WWOX: variants seen among roughly 807,000 people sequenced by gnomAD.
WWOX encodes WW domain containing oxidoreductase, also known as WW domain-containing oxidoreductase.
In WWOX, 69 loss-of-function variants were observed where a neutral mutation model predicts 46.2. The ratio of observed to expected loss-of-function variants is 1.49; its 90% CI spans 1.23 to 1.82. The LOEUF is 1.82. Among genes scored for constraint, WWOX ranks in the 40% most tolerant of loss-of-function variants. The probability of loss-of-function intolerance (pLI) is 0.00; values close to 1 mark genes in which losing one functional copy is unlikely to be tolerated. For synonymous variants in WWOX, 359 were observed against 202.6 expected, an observed-to-expected ratio of 1.77 and a Z score of -6.56; for missense variants, 919 against 542.6, an observed-to-expected ratio of 1.69 and a Z score of -6.89.
At chr16:79,147,906 C>T (rs1300572922) in intron 8 of WWOX, among the ~76,000 whole-genome samples, 1 of 151,800 alleles carries the variant, frequency 6.6e-6, no homozygotes. Flanking sequence ...ATGTTTTTTT[C>T]TCATTTTCTA....
chr16:78,625,788 TAAAAG>T (rs1447669881), intron 8 of WWOX, among the ~76,000 whole-genome samples: 1 of 115,456 alleles, frequency 8.7e-6, no homozygotes, highest in Non-Finnish European at 1.8e-5. Context: ...TGCCAGTACT[TAAAAG>T]TAATGGCAAA....
At chr16:78,397,328 G>C (rs988861783) in intron 6 of WWOX, among the ~76,000 whole-genome samples, 1 of 152,154 alleles carries the variant, frequency 6.6e-6, no homozygotes, top group Non-Finnish European at 1.5e-5. Context: ...TTTATCATGT[G>C]TCATGTACAG....
chr16:78,424,511 A>T (rs72797970), intron 6 of WWOX, among the ~76,000 whole-genome samples: 7,344 of 152,272 alleles, frequency 0.048, 234 homozygotes, highest in South Asian at 0.15. Context: ...TGAGACTTGG[A>T]TGAATTAAGA....
intron 8 of WWOX, among the ~76,000 whole-genome samples, chr16:78,879,188 C>A (rs190467067): frequency 6.6e-6 from 1 of 152,232 alleles, no homozygotes; most frequent in East Asian, 1.9e-4. Context: ...TCATCTTTCA[C>A]GGTCATAGAC....
chr16:79,136,712 G>A (rs757010899), intron 8 of WWOX, among the ~76,000 whole-genome samples: 1 of 152,202 alleles, frequency 6.6e-6, no homozygotes, highest in Non-Finnish European at 1.5e-5. Flanking sequence ...TGGGGCAGGT[G>A]ACTTTATGTG....
intron 8 of WWOX, among the ~76,000 whole-genome samples, chr16:78,968,286 G>T (rs144298327): frequency 4.6e-5 from 7 of 152,232 alleles, no homozygotes; most frequent in African/African-American, 1.4e-4. Context: ...GTGCCCCATA[G>T]TCCTACCCGT....
chr16:78,770,231 G>A (rs1489138377), intron 8 of WWOX, among the ~76,000 whole-genome samples: 1 of 152,082 alleles, frequency 6.6e-6, no homozygotes, highest in East Asian at 1.9e-4. Context: ...TGCTCCTGTA[G>A]TTCCAGCTAC....
intron 8 of WWOX, among the ~76,000 whole-genome samples, chr16:78,601,648 T>C (rs1193903451): frequency 6.6e-6 from 1 of 152,208 alleles, no homozygotes; most frequent in Non-Finnish European, 1.5e-5. Context: ...ATGAATACCA[T>C]AATAAGAATG....
At chr16:78,276,830 A>G (rs1254110156) in intron 5 of WWOX, among the ~76,000 whole-genome samples, 1 of 152,182 alleles carries the variant, frequency 6.6e-6, no homozygotes, top group African/African-American at 2.4e-5. Flanking sequence ...GAACTGGGCC[A>G]TCTCTCCTTG....
At chr16:78,431,601 A>G (rs898303184) in intron 7 of WWOX, among the ~76,000 whole-genome samples, 2 of 151,616 alleles carry the variant, frequency 1.3e-5, no homozygotes, top group African/African-American at 4.8e-5. Flanking sequence ...TGAAAAATAT[A>G]TGTTAGAGGG....
intron 8 of WWOX, among the ~76,000 whole-genome samples, chr16:78,575,462 G>C (rs76053948): frequency 9.9e-5 from 15 of 151,804 alleles, no homozygotes; most frequent in Non-Finnish European, 1.5e-5. Context: ...GGATGCTCAG[G>C]AAACCAAAAA....
rs1472898700 is a variant in WWOX at position 79,046,399 on chromosome 16, A to G, written c.1057-165209A>G. On this transcript the variant is annotated intron_variant, in intron 8 of 8. Coordinates refer to ENST00000566780, the MANE Select transcript of WWOX (RefSeq NM_016373.4). ...CTTTATCAGTTCAGGCTGCTGTGAC[A>G]AAAGTATCACAGACTGGATGGCCTT... Among the ~76,000 whole-genome samples the G allele has an allele frequency of 2.0e-5, 3 of 152,198 alleles. No individual in the cohort carries two copies. The East Asian group carries it at 5.8e-4, about 29-fold the overall frequency.
At chr16:78,680,371 T>C (rs571405886) in intron 8 of WWOX, among the ~76,000 whole-genome samples, 1 of 151,982 alleles carries the variant, frequency 6.6e-6, no homozygotes, top group South Asian at 2.1e-4. Flanking sequence ...TAAAAAGACC[T>C]ATCTCTACAA....
intron 8 of WWOX, among the ~76,000 whole-genome samples, chr16:78,554,324 G>C (rs1403202567): frequency 3.3e-5 from 5 of 152,144 alleles, no homozygotes; most frequent in African/African-American, 9.7e-5. Context: ...GGAACACTAA[G>C]TATGTGGGAA....
At chr16:78,321,306 ATATATATG>A in intron 5 of WWOX, among the ~76,000 whole-genome samples, 1 of 74,208 alleles carries the variant, frequency 1.3e-5, no homozygotes, top group Non-Finnish European at 2.9e-5. Context: ...ATATATACGT[ATATATATG>A]CGTATATATA....
intron 8 of WWOX, among the ~76,000 whole-genome samples, chr16:78,503,398 C>A (rs74029400): frequency 0.011 from 1,619 of 152,148 alleles, 32 homozygotes; most frequent in African/African-American, 0.037. Context: ...TCCTATATCC[C>A]CCCCATACTC....
chr16:78,545,280 G>T (rs1365712910), intron 8 of WWOX, among the ~76,000 whole-genome samples: 1 of 152,120 alleles, frequency 6.6e-6, no homozygotes, highest in Non-Finnish European at 1.5e-5. Context: ...ATGTTGTATT[G>T]GTTCTAATCT....
At chr16:78,378,377 G>C (rs2081878912) in intron 5 of WWOX, among the ~76,000 whole-genome samples, 1 of 152,236 alleles carries the variant, frequency 6.6e-6, no homozygotes, top group South Asian at 2.1e-4. Flanking sequence ...ACTGGCACAT[G>C]GTGCTGTTTC....
intron 8 of WWOX, among the ~76,000 whole-genome samples, chr16:78,757,346 C>T (rs2049677060): frequency 1.3e-5 from 2 of 152,074 alleles, no homozygotes; most frequent in Admixed American, 1.3e-4. Context: ...CCCAGCACCC[C>T]AGCACCCCAG....
Sources: gnomAD v4.1 joint callset for allele counts (sites outside exome capture counted in the v4.1 genomes callset) on GRCh38, gnomAD v4.1.1 for gene constraint, MANE v1.5 for transcripts, NCBI Gene and HGNC (gene_info 2026-07-23, HGNC 2026-07-21) for gene names.